The following DLG2 variants were observed in gnomAD, a reference collection of about 807,000 sequenced individuals.
The protein encoded by DLG2 is discs large MAGUK scaffold protein 2.
DLG2 carries 45 observed loss-of-function variants against 132.5 expected under a neutral mutation model. That is an observed-to-expected ratio of 0.34 (90% CI 0.27 to 0.44). The LOEUF (loss-of-function observed/expected upper bound fraction) is 0.44. DLG2 is among the 20% of genes least tolerant of loss of function. The pLI, the probability that DLG2 is intolerant of heterozygous loss-of-function variation, is 1.00. For missense variants in DLG2, 1,045 were observed against 1,196.9 expected (o/e 0.87, Z 1.87); for synonymous variants, 424 against 419.6 (o/e 1.01, Z -0.13).
At chr11:84,920,484 C>CA (rs1227177615) in intron 6 of DLG2, among the ~76,000 whole-genome samples, 1 of 152,152 alleles carries the variant, frequency 6.6e-6, no homozygotes, top group Non-Finnish European at 1.5e-5. Context: ...TCTCCTACAA[C>CA]AAACCCTGCA....
At chr11:84,441,018 T>C (rs2099015630) in intron 7 of DLG2, among the ~76,000 whole-genome samples, 2 of 152,126 alleles carry the variant, frequency 1.3e-5, no homozygotes, top group Non-Finnish European at 1.5e-5. Flanking sequence ...AAAATAACTA[T>C]TGAGACATAA....
At chr11:84,788,334 C>T (rs909518900) in intron 6 of DLG2, among the ~76,000 whole-genome samples, 20 of 151,956 alleles carry the variant, frequency 1.3e-4, no homozygotes, top group Non-Finnish European at 7.4e-5. Flanking sequence ...ACATGAGGCA[C>T]ATTACTTGGA....
At chr11:84,244,171 C>A (rs1212259490) in intron 8 of DLG2, among the ~76,000 whole-genome samples, 1 of 152,072 alleles carries the variant, frequency 6.6e-6, no homozygotes, top group Non-Finnish European at 1.5e-5. Context: ...CCTAGTGAAT[C>A]AGAAACTTCA....
At chr11:84,135,644 G>A (rs2094572781) in intron 9 of DLG2, among the ~76,000 whole-genome samples, 1 of 152,104 alleles carries the variant, frequency 6.6e-6, no homozygotes, top group South Asian at 2.1e-4. Flanking sequence ...AGGAGCCCAT[G>A]AGTTTGAAAA....
intron 4 of DLG2, among the ~76,000 whole-genome samples, chr11:85,253,106 A>G (rs1379100702): frequency 6.6e-6 from 1 of 152,192 alleles, no homozygotes; most frequent in African/African-American, 2.4e-5. Flanking sequence ...TCTTGTTCTG[A>G]ATGAATTTAT....
chr11:83,874,318 A>T (rs1404902459), intron 16 of DLG2, 102 bp downstream of exon 16: 5 of 614,398 alleles, frequency 8.1e-6, no homozygotes, highest in Non-Finnish European at 1.2e-5. Flanking sequence ...GAAGGAAGGG[A>T]GGGAGGGAGG....
chr11:85,441,844 A>C (rs888601570), intron 3 of DLG2, among the ~76,000 whole-genome samples: 1 of 152,146 alleles, frequency 6.6e-6, no homozygotes, highest in African/African-American at 2.4e-5. Context: ...TGATAGTTTC[A>C]AGTAATGGCG....
intron 6 of DLG2, among the ~76,000 whole-genome samples, chr11:84,927,485 T>C (rs940515950): frequency 2.0e-5 from 3 of 151,960 alleles, no homozygotes; most frequent in African/African-American, 7.2e-5. Context: ...CCAGCTAGGA[T>C]TGAGAATTAC....
chr11:83,712,525 G>A (rs781690922), intron 18 of DLG2, among the ~76,000 whole-genome samples: 13 of 152,078 alleles, frequency 8.5e-5, no homozygotes, highest in African/African-American at 1.2e-4. Context: ...AGCTACTCGG[G>A]AGGCTGAGGT....
chr11:83,534,656 C>T (rs371387448), intron 20 of DLG2, among the ~76,000 whole-genome samples: 1 of 152,158 alleles, frequency 6.6e-6, no homozygotes. Flanking sequence ...AATGTAAGGC[C>T]GGGTGCGGTG....
At chr11:84,646,788 A>G (rs2099675515) in intron 6 of DLG2, among the ~76,000 whole-genome samples, 1 of 152,202 alleles carries the variant, frequency 6.6e-6, no homozygotes, top group African/African-American at 2.4e-5. Context: ...TCACTTCATT[A>G]GAATCATCAA....
At chr11:84,064,166 G>T (rs555946679) in intron 10 of DLG2, among the ~76,000 whole-genome samples, 1 of 152,018 alleles carries the variant, frequency 6.6e-6, no homozygotes, top group Non-Finnish European at 1.5e-5. Flanking sequence ...TAAGATTTGT[G>T]ATTTTACGCA....
chr11:84,332,154 T>C (rs1468932623), intron 7 of DLG2, among the ~76,000 whole-genome samples: 2 of 152,124 alleles, frequency 1.3e-5, no homozygotes, highest in Non-Finnish European at 2.9e-5. Flanking sequence ...TCTGATATTT[T>C]TTCCTCTCTT....
intron 4 of DLG2, among the ~76,000 whole-genome samples, chr11:85,232,811 C>T (rs1021566052): frequency 3.3e-5 from 5 of 151,908 alleles, no homozygotes; most frequent in African/African-American, 1.2e-4. Flanking sequence ...TAGGAATATG[C>T]TTAACACATG....
intron 18 of DLG2, among the ~76,000 whole-genome samples, chr11:83,737,417 A>AT (rs1252587431): frequency 6.6e-6 from 1 of 152,180 alleles, no homozygotes; most frequent in Admixed American, 6.5e-5. Context: ...GATTGGTTCT[A>AT]TTTTTTAAAA....
At chr11:85,092,861 T>G (rs2154176807) in intron 6 of DLG2, among the ~76,000 whole-genome samples, 1 of 152,260 alleles carries the variant, frequency 6.6e-6, no homozygotes, top group Admixed American at 6.5e-5. Context: ...CAGGATGGTC[T>G]TGATCTCCTG....
chr11:85,231,959 C>T (rs2075324381), intron 4 of DLG2, among the ~76,000 whole-genome samples: 1 of 151,748 alleles, frequency 6.6e-6, no homozygotes, highest in African/African-American at 2.4e-5. Context: ...TCTTATTGTT[C>T]AACAAGACTA....
At chr11:83,820,155 T>A (rs534648472) in intron 17 of DLG2, among the ~76,000 whole-genome samples, 1 of 152,156 alleles carries the variant, frequency 6.6e-6, no homozygotes, top group Non-Finnish European at 1.5e-5. Context: ...ATCTTGTGGA[T>A]TTTTAGGAAA....
At chr11:83,497,369 C>T (rs531563802) in intron 21 of DLG2, among the ~76,000 whole-genome samples, 1 of 151,990 alleles carries the variant, frequency 6.6e-6, no homozygotes, top group Admixed American at 6.5e-5. Context: ...ATGGCAAAAC[C>T]CCGAAAAATA....
Sources: allele counts gnomAD v4.1 joint callset (sites outside exome capture counted in the v4.1 genomes callset), GRCh38; gene constraint gnomAD v4.1.1; transcripts MANE v1.5; gene names NCBI Gene and HGNC (gene_info 2026-07-23, HGNC 2026-07-21).